Variants in ZC3H12B observed in about 807,000 individuals in gnomAD.
The protein encoded by ZC3H12B is probable ribonuclease ZC3H12B.
A neutral mutation model predicts 43.9 loss-of-function variants in ZC3H12B; 7 were observed. That is an observed-to-expected ratio of 0.16 (90% CI 0.09 to 0.30). The LOEUF (loss-of-function observed/expected upper bound fraction) is 0.30. Ranked by LOEUF, ZC3H12B falls within the 10% of genes least tolerant of loss-of-function variation. The pLI, the probability that ZC3H12B is intolerant of heterozygous loss-of-function variation, is 1.00. For synonymous variants in ZC3H12B, 222 were observed against 241.7 expected, an observed-to-expected ratio of 0.92 and a Z score of 0.76; for missense variants, 475 against 670.2, an observed-to-expected ratio of 0.71 and a Z score of 3.22.
the ZC3H12B span, among the ~76,000 whole-genome samples, chrX:65,102,838 G>A: frequency 3.6e-4 from 40 of 111,492 alleles, no homozygotes; most frequent in African/African-American, 6.8e-4. Context: ...GGCAGGTTCC[G>A]TGATGCCCCC....
At chrX:65,287,380 G>A in the ZC3H12B span, among the ~76,000 whole-genome samples, 3 of 111,643 alleles carry the variant, frequency 2.7e-5, no homozygotes, top group African/African-American at 3.3e-5. Context: ...CATACCAAGA[G>A]AAATTGGGAA....
chrX:65,237,640 C>T, the ZC3H12B span, among the ~76,000 whole-genome samples: 1 of 109,757 alleles, frequency 9.1e-6, no homozygotes, highest in African/African-American at 3.3e-5. Context: ...TGTCTTGTGC[C>T]AGTTTTTAAG....
chrX:65,281,798 C>CCTTAAA, the ZC3H12B span, among the ~76,000 whole-genome samples: 7 of 111,804 alleles, frequency 6.3e-5, no homozygotes, highest in African/African-American at 1.9e-4. Context: ...AAAACACAGG[C>CCTTAAA]AACAAAATCA....
the ZC3H12B span, among the ~76,000 whole-genome samples, chrX:65,074,438 A>G: frequency 9.0e-6 from 1 of 111,558 alleles, no homozygotes; most frequent in African/African-American, 3.3e-5. Flanking sequence ...GTCATAATGT[A>G]GTCAGTTTGA....
At chrX:65,189,539 G>A in the ZC3H12B span, among the ~76,000 whole-genome samples, 2 of 108,888 alleles carry the variant, frequency 1.8e-5, no homozygotes, top group African/African-American at 6.8e-5. Context: ...GCATTTCTCT[G>A]ATGACCAGTG....
chrX:65,295,644 TAGG>T, the ZC3H12B span, among the ~76,000 whole-genome samples: 1 of 110,637 alleles, frequency 9.0e-6, no homozygotes, highest in Non-Finnish European at 1.9e-5. Context: ...TAAACAAAAT[TAGG>T]AGAATATTAG....
chrX:65,410,078 C>A (rs2148065256), intron 3 of ZC3H12B, among the ~76,000 whole-genome samples: 2 of 82,569 alleles, frequency 2.4e-5, no homozygotes, highest in Non-Finnish European at 2.4e-5. Context: ...CTATAGTAAT[C>A]AAATCAGCAT....
chrX:65,277,258 C>T, the ZC3H12B span, among the ~76,000 whole-genome samples: 10 of 111,388 alleles, frequency 9.0e-5, no homozygotes, highest in Non-Finnish European at 1.7e-4. Context: ...GACTGTAATA[C>T]GGTAATAGTT....
At chrX:65,049,965 A>G in the ZC3H12B span, among the ~76,000 whole-genome samples, 41 of 111,283 alleles carry the variant, frequency 3.7e-4, no homozygotes, top group Non-Finnish European at 6.8e-4. Flanking sequence ...GCTGCATCTC[A>G]TAAGTTTGGG....
the ZC3H12B span, among the ~76,000 whole-genome samples, chrX:65,216,959 C>A: frequency 9.0e-6 from 1 of 111,523 alleles, no homozygotes; most frequent in Non-Finnish European, 1.9e-5. Flanking sequence ...TAGGCAGTAG[C>A]AGCCACAGGC....
the ZC3H12B span, among the ~76,000 whole-genome samples, chrX:65,110,028 T>C: frequency 0.011 from 1,264 of 111,533 alleles, 73 homozygotes; most frequent in East Asian, 0.24. Context: ...CTCATTTGTG[T>C]TTTTAATTTG....
At chrX:65,295,387 C>G in the ZC3H12B span, among the ~76,000 whole-genome samples, 1 of 111,117 alleles carries the variant, frequency 9.0e-6, no homozygotes, top group African/African-American at 3.3e-5. Flanking sequence ...TTATCAAAAC[C>G]TCTGGAATAC....
intron 2 of ZC3H12B, among the ~76,000 whole-genome samples, chrX:65,386,594 C>G (rs2066529804): frequency 9.0e-6 from 1 of 110,971 alleles, no homozygotes; most frequent in Non-Finnish European, 1.9e-5. Context: ...TTTCAAAAAC[C>G]AGCCCCTGGT....
At chrX:65,493,759 T>A (rs2068238814) in intron 1 of ZC3H12B, among the ~76,000 whole-genome samples, 1 of 111,840 alleles carries the variant, frequency 8.9e-6, no homozygotes, top group Non-Finnish European at 1.9e-5. Context: ...ACCAAGATAC[T>A]CCGTGACTTG....
At chrX:65,212,709 A>G in the ZC3H12B span, among the ~76,000 whole-genome samples, 1 of 92,197 alleles carries the variant, frequency 1.1e-5, no homozygotes, top group South Asian at 4.5e-4. Flanking sequence ...TATGATTTAT[A>G]TATCATATAT....
the ZC3H12B span, among the ~76,000 whole-genome samples, chrX:65,046,730 A>G: frequency 4.5e-5 from 5 of 111,741 alleles, no homozygotes; most frequent in Admixed American, 9.5e-5. Flanking sequence ...TTTTTGGCCT[A>G]TCTTGGCTTT....
At chrX:65,259,120 G>T in the ZC3H12B span, among the ~76,000 whole-genome samples, 1 of 111,927 alleles carries the variant, frequency 8.9e-6, no homozygotes, top group Non-Finnish European at 1.9e-5. Context: ...ATCCTAAGCA[G>T]AAAGAACAAA....
the ZC3H12B span, among the ~76,000 whole-genome samples, chrX:65,182,786 G>T: frequency 9.1e-6 from 1 of 109,963 alleles, no homozygotes; most frequent in Admixed American, 9.7e-5. Flanking sequence ...CATTTTAAAA[G>T]GAAACATAAA....
the ZC3H12B span, among the ~76,000 whole-genome samples, chrX:65,240,365 T>A: frequency 8.9e-6 from 1 of 112,252 alleles, no homozygotes; most frequent in Admixed American, 9.5e-5. Context: ...TCTATTCTGC[T>A]TTTGATACTT....
Sources: gnomAD v4.1 joint callset for allele counts (sites outside exome capture counted in the v4.1 genomes callset) on GRCh38, gnomAD v4.1.1 for gene constraint, MANE v1.5 for transcripts, NCBI Gene and HGNC (gene_info 2026-07-23, HGNC 2026-07-21) for gene names.